The following NEGR1 variants were observed in gnomAD, a reference collection of about 807,000 sequenced individuals.
The protein encoded by NEGR1 is neuronal growth regulator 1, also known as IgLON family member 4.
A neutral mutation model predicts 40.9 loss-of-function variants in NEGR1; 10 were observed. The ratio of observed to expected loss-of-function variants is 0.24; its 90% CI spans 0.15 to 0.42. NEGR1 has a LOEUF of 0.42. NEGR1 is among the 10% of genes least tolerant of loss of function. NEGR1 has a pLI of 1.00. For missense variants in NEGR1, 352 were observed against 438.9 expected (o/e 0.80, Z 1.77); for synonymous variants, 185 against 166.8 (o/e 1.11, Z -0.84).
chr1:71,721,601 C>A (rs1456261172), intron 3 of NEGR1, among the ~76,000 whole-genome samples: 1 of 152,192 alleles, frequency 6.6e-6, no homozygotes, highest in South Asian at 2.1e-4. Flanking sequence ...CCATATAATT[C>A]TTTGTGTGTG....
intron 3 of NEGR1, among the ~76,000 whole-genome samples, chr1:71,771,977 C>T (rs1656346671): frequency 6.6e-6 from 1 of 152,080 alleles, no homozygotes; most frequent in Non-Finnish European, 1.5e-5. Context: ...TCCCTACAGA[C>T]TGTTTATTGG....
At position 71,928,392 on chromosome 1, in the gene NEGR1, A is replaced by ATATGTATATATGTG. The variant is rs1491183393; in HGVS notation, c.409+6673_409+6686dup. Among the ~76,000 whole-genome samples, 4 of 142,894 alleles carry ATATGTATATATGTG rather than the reference A, an allele frequency of 2.8e-5. No homozygotes were observed. The East Asian group carries it at 8.5e-4, about 30-fold the overall frequency. The allele number at this position is 142,894 out of a possible 152,430, so 93.7% of individuals were successfully genotyped here. A position where few individuals can be genotyped will look rare whatever the true frequency, so the allele number is the denominator to read the frequency against. On this transcript the variant is annotated intron_variant, in intron 2 of 6. Coordinates refer to ENST00000357731, the MANE Select transcript of NEGR1 (RefSeq NM_173808.3). ...TATGTATATATGTATATATACACAC[A>ATATGTATATATGTG]TATGTATATATGTGTATGTATATAT...
At chr1:71,994,028 C>T (rs1247859368) in intron 1 of NEGR1, among the ~76,000 whole-genome samples, 2 of 152,048 alleles carry the variant, frequency 1.3e-5, no homozygotes, top group African/African-American at 2.4e-5. Flanking sequence ...CTTCTTATCC[C>T]CAAGACCTAA....
At chr1:71,637,975 G>T (rs1473756238) in intron 4 of NEGR1, among the ~76,000 whole-genome samples, 1 of 151,968 alleles carries the variant, frequency 6.6e-6, no homozygotes, top group Non-Finnish European at 1.5e-5. Flanking sequence ...AACCCCATAT[G>T]TCTGGTGCTA....
chr1:71,784,489 G>A (rs1256255595), intron 2 of NEGR1, among the ~76,000 whole-genome samples: 1 of 151,912 alleles, frequency 6.6e-6, no homozygotes, highest in Non-Finnish European at 1.5e-5. Flanking sequence ...GGTGCAGTGG[G>A]GCACCATCCT....
intron 6 of NEGR1, among the ~76,000 whole-genome samples, chr1:71,462,187 G>C (rs1646718645): frequency 6.6e-6 from 1 of 152,082 alleles, no homozygotes; most frequent in Admixed American, 6.6e-5. Flanking sequence ...AATGCACTGA[G>C]GGGGAAATAG....
chr1:72,274,588 G>A lies in NEGR1; in HGVS notation c.176+7731C>T, dbSNP rs533093155. The A allele has an allele frequency of 4.2e-5, 33 of 777,112 alleles. 2 individuals are homozygous for A. Among genetic ancestry groups the A allele is most frequent in the African/African-American group, 3.7e-4 (22 of 58,870 alleles). 48.1% of individuals were successfully genotyped at this position (777,112 alleles called of 1,614,324 possible). On this transcript the variant is annotated intron_variant, in intron 1 of 6. Transcript: ENST00000357731. ...CAGTGAGTCTTTGGCAAGATATGGCGAAAGCCCATACCTTTAACCACTCTA... is the reference window on the plus strand; with the variant it reads ...CAGTGAGTCTTTGGCAAGATATGGCAAAAGCCCATACCTTTAACCACTCTA...
At chr1:71,692,063 T>C (rs1049112623) in intron 4 of NEGR1, among the ~76,000 whole-genome samples, 42 of 151,720 alleles carry the variant, frequency 2.8e-4, no homozygotes, top group African/African-American at 1.0e-3. Context: ...TATGGGTTTC[T>C]TTTATTTTTC....
At chr1:72,030,991 A>G (rs1646853653) in intron 1 of NEGR1, among the ~76,000 whole-genome samples, 1 of 152,198 alleles carries the variant, frequency 6.6e-6, no homozygotes, top group Non-Finnish European at 1.5e-5. Flanking sequence ...TTTATCTTAC[A>G]TGTTGTGTTT....
At chr1:71,704,063 C>G (rs369202915) in intron 3 of NEGR1, among the ~76,000 whole-genome samples, 6 of 151,678 alleles carry the variant, frequency 4.0e-5, no homozygotes, top group African/African-American at 1.5e-4. Flanking sequence ...AGATAAAATA[C>G]ACATTTTACA....
At chr1:71,688,177 G>C (rs1653100466) in intron 4 of NEGR1, among the ~76,000 whole-genome samples, 1 of 150,534 alleles carries the variant, frequency 6.6e-6, no homozygotes, top group African/African-American at 2.4e-5. Flanking sequence ...TTAATGACTT[G>C]ACCAAGTCTG....
At chr1:72,197,851 T>G (rs1309915697) in intron 1 of NEGR1, among the ~76,000 whole-genome samples, 3 of 152,058 alleles carry the variant, frequency 2.0e-5, no homozygotes, top group African/African-American at 7.2e-5. Context: ...AAAATAAGAC[T>G]TTCATTAGCC....
chr1:72,237,019 A>G (rs1398660614), intron 1 of NEGR1, among the ~76,000 whole-genome samples: 1 of 151,930 alleles, frequency 6.6e-6, no homozygotes, highest in East Asian at 1.9e-4. Flanking sequence ...AAAAGTGAAA[A>G]ATGTCTGCCT....
At chr1:72,084,713 G>T (rs1248519243) in intron 1 of NEGR1, among the ~76,000 whole-genome samples, 1 of 152,024 alleles carries the variant, frequency 6.6e-6, no homozygotes, top group Non-Finnish European at 1.5e-5. Flanking sequence ...TATTTGCAAG[G>T]ACTAATAGAA....
At chr1:71,773,042 T>A (rs1003385977) in intron 3 of NEGR1, among the ~76,000 whole-genome samples, 1 of 152,058 alleles carries the variant, frequency 6.6e-6, no homozygotes. Flanking sequence ...TTTTTTTTGG[T>A]GAAAGTATAG....
rs1553148220 is a variant in NEGR1, at chr1:71,527,444, C to CATCCATCA, written c.940+65372_940+65373insTGATGGAT. On this transcript the variant is annotated intron_variant, in intron 6 of 6. Coordinates refer to ENST00000357731, the MANE Select transcript of NEGR1 (RefSeq NM_173808.3). ...CCATCCATCCATCCATCCATCCATC[C>CATCCATCA]ATCCATGGGTAATCAGGCATATGCA... Among the ~76,000 whole-genome samples the CATCCATCA allele has an allele frequency of 2.5e-3, 363 of 143,756 alleles. 4 individuals are homozygous for CATCCATCA. Among genetic ancestry groups the CATCCATCA allele is most frequent in the African/African-American group, 8.6e-3 (349 of 40,672 alleles). 94.3% of individuals were successfully genotyped at this position (143,756 alleles called of 152,430 possible).
At chr1:71,694,784 T>G (rs2101625880) in intron 4 of NEGR1, among the ~76,000 whole-genome samples, 1 of 151,958 alleles carries the variant, frequency 6.6e-6, no homozygotes, top group East Asian at 1.9e-4. Flanking sequence ...GAAAATGTAT[T>G]ATATTTCATC....
At chr1:72,119,213 A>G (rs1442463050) in intron 1 of NEGR1, among the ~76,000 whole-genome samples, 1 of 151,954 alleles carries the variant, frequency 6.6e-6, no homozygotes, top group Non-Finnish European at 1.5e-5. Flanking sequence ...CTCTGGAAGA[A>G]AGTGAGCATT....
chr1:72,200,832 A>T (rs776324572), intron 1 of NEGR1, among the ~76,000 whole-genome samples: 1 of 151,934 alleles, frequency 6.6e-6, no homozygotes, highest in African/African-American at 2.4e-5. Context: ...TAACTTTTCA[A>T]TAAAGAATGT....
Sources: allele counts gnomAD v4.1 joint callset (sites outside exome capture counted in the v4.1 genomes callset), GRCh38; gene constraint gnomAD v4.1.1; transcripts MANE v1.5; gene names NCBI Gene and HGNC (gene_info 2026-07-23, HGNC 2026-07-21).